The following AHR variants were observed in gnomAD, a reference collection of about 807,000 sequenced individuals.
AHR encodes the protein aryl hydrocarbon receptor, also known as AH-receptor.
In AHR, 40 loss-of-function variants were observed where a neutral mutation model predicts 86.8. That is an observed-to-expected ratio of 0.46 (90% CI 0.36 to 0.60). AHR has a LOEUF of 0.60. Among genes scored for constraint, AHR ranks in the 20% least tolerant of loss-of-function variants. The probability of loss-of-function intolerance (pLI) is 0.00; values close to 1 mark genes in which losing one functional copy is unlikely to be tolerated. For synonymous variants in AHR, 398 were observed against 354.9 expected, an observed-to-expected ratio of 1.12 and a Z score of -1.37; for missense variants, 1,001 against 1,011.6, an observed-to-expected ratio of 0.99 and a Z score of 0.14.
chr7:17,299,194 C>T lies in AHR; in HGVS notation c.-71C>T, dbSNP rs1343347542. The T allele has an allele frequency of 4.5e-6, 7 of 1,544,808 alleles. No individual in the cohort carries two copies. In the Admixed American group the frequency reaches 1.3e-4, roughly 29 times the overall value. ...CCGGCGCCGGCCGCCGCAGTGGTCC[C>T]AGCCTACACCGGGTTCCGGGGACCC... is the stretch of plus-strand genomic sequence containing the variant. On this transcript the variant is annotated 5_prime_UTR_variant, in exon 1 of 11. Transcript: ENST00000242057.
intron 6 of AHR, 128 bp downstream of exon 6, chr7:17,331,014 G>T: frequency 1.1e-6 from 1 of 916,568 alleles, no homozygotes; most frequent in East Asian, 2.7e-5. Flanking sequence ...CAGAACCAGA[G>T]AGCTTCAGAG....
chr7:17,321,155 A>T (rs571324605), intron 2 of AHR, among the ~76,000 whole-genome samples: 4 of 152,206 alleles, frequency 2.6e-5, no homozygotes, highest in Middle Eastern at 3.4e-3. Flanking sequence ...GGTTTCTCTT[A>T]TTCAAATATC....
chr7:17,299,446 G>A, intron 1 of AHR, 117 bp downstream of exon 1: 1 of 1,182,088 alleles, frequency 8.5e-7, no homozygotes, highest in Non-Finnish European at 1.2e-6. Context: ...TCCATTCCCG[G>A]CACTGCCCGT....
At chr7:17,312,865 A>G (rs1782080316) in intron 2 of AHR, among the ~76,000 whole-genome samples, 1 of 152,226 alleles carries the variant, frequency 6.6e-6, no homozygotes, top group African/African-American at 2.4e-5. Flanking sequence ...GCTGATAACA[A>G]GGAAGTTCTG....
intron 2 of AHR, among the ~76,000 whole-genome samples, chr7:17,315,848 C>T (rs986242190): frequency 3.3e-5 from 5 of 151,794 alleles, no homozygotes; most frequent in South Asian, 2.1e-4. Context: ...TTTGACTTTT[C>T]AATCAATGAA....
rs1782441605 is a variant in AHR at position 17,342,922 on chromosome 7, T to A, written c.2405T>A (p.Phe802Tyr). ...LPGQQAFLNK[F>Y]QNGVLNETYP... ...TTGCATCACCATTTTTGTTTTCAGTTTCAGAATGGAGTTTTAAATGAAACA... is the reference window on the plus strand; with the variant it reads ...TTGCATCACCATTTTTGTTTTCAGTATCAGAATGGAGTTTTAAATGAAACA... Residue 802 changes from phenylalanine (F) to tyrosine (Y), a missense_variant and splice_region_variant, in exon 11 of 11, where the codon TTT becomes TAT. Transcript: ENST00000242057. The A allele has an allele frequency of 1.2e-6, 2 of 1,611,532 alleles. No homozygotes were observed. Among genetic ancestry groups the A allele is most frequent in the Non-Finnish European group, 1.7e-6 (2 of 1,178,816 alleles).
At chr7:17,318,577 T>C (rs890135934) in intron 2 of AHR, among the ~76,000 whole-genome samples, 4 of 152,138 alleles carry the variant, frequency 2.6e-5, no homozygotes, top group African/African-American at 9.7e-5. Context: ...GTGGTACATA[T>C]CCTCACTGAT....
At chr7:17,336,807 CT>C (rs1782358745) in intron 9 of AHR, among the ~76,000 whole-genome samples, 1 of 151,970 alleles carries the variant, frequency 6.6e-6, no homozygotes, top group South Asian at 2.1e-4. Flanking sequence ...CTAGAAGGCA[CT>C]TTTTTTAATT....
chr7:17,330,206 ATAGGCCACAGC>A, intron 5 of AHR, 131 bp downstream of exon 5: 1 of 873,804 alleles, frequency 1.1e-6, no homozygotes, highest in Non-Finnish European at 1.7e-6. Context: ...GTCTGCAATC[ATAGGCCACAGC>A]TAGGTCACAA....
rs1421972390 is a variant in AHR, at chr7:17,340,205, G to A, written c.2380G>A (p.Gly794Ser). ...GATGCAGTACAATCCAGTACTGCCA[G>A]GCCAACAGGCATTTTTAAACAAGGT... ...GQMQYNPVLP[G>S]QQAFLNKFQN... The change falls in exon 10 of 11, where the codon GGC becomes AGC. Residue 794 changes from glycine (G) to serine (S), a missense_variant. This residue lies in a region of AHR where 607 missense variants were observed against 543.1 expected (regional missense o/e 1.12). Coordinates refer to ENST00000242057, the MANE Select transcript of AHR (RefSeq NM_001621.5). The A allele has an allele frequency of 6.2e-7, 1 of 1,608,026 alleles. No homozygotes were observed. The highest frequency in any genetic ancestry group is 8.5e-7 in the Non-Finnish European group (1 of 1,176,502).
At chr7:17,323,372 C>T (rs925217578) in intron 3 of AHR, among the ~76,000 whole-genome samples, 2 of 152,102 alleles carry the variant, frequency 1.3e-5, no homozygotes, top group Non-Finnish European at 2.9e-5. Context: ...TATTAACATA[C>T]TAAAGATTTT....
At chr7:17,338,126 G>A (rs1212145695) in intron 9 of AHR, among the ~76,000 whole-genome samples, 3 of 150,168 alleles carry the variant, frequency 2.0e-5, no homozygotes, top group Non-Finnish European at 4.4e-5. Context: ...GTGAACCCGG[G>A]AGGCGGAGCT....
At chr7:17,299,396 C>T in intron 1 of AHR, 67 bp downstream of exon 1, 1 of 1,526,238 alleles carries the variant, frequency 6.6e-7, no homozygotes, top group Non-Finnish European at 8.9e-7. Flanking sequence ...CGGGAGGCAG[C>T]CCCACCCCGC....
At chr7:17,300,203 T>G (rs933809108) in intron 1 of AHR, among the ~76,000 whole-genome samples, 9 of 152,208 alleles carry the variant, frequency 5.9e-5, no homozygotes, top group African/African-American at 1.2e-4. Context: ...GGCCAATTTT[T>G]TGTGTGTGTC....
chr7:17,331,000 C>T (rs1356887791), intron 6 of AHR, 114 bp downstream of exon 6: 1 of 1,146,586 alleles, frequency 8.7e-7, no homozygotes, highest in East Asian at 2.5e-5. Flanking sequence ...AATCAGGCAA[C>T]CCTCAGAACC....
chr7:17,325,292 TA>T (rs1378965050), intron 3 of AHR, among the ~76,000 whole-genome samples: 2 of 152,224 alleles, frequency 1.3e-5, no homozygotes, highest in Non-Finnish European at 2.9e-5. Context: ...AGAGATTTGA[TA>T]ACTGTACTTA....
At position 17,330,451 on chromosome 7, in the gene AHR, T is replaced by C. The variant is rs540927680; in HGVS notation, c.575-305T>C. Among the ~76,000 whole-genome samples the C allele has an allele frequency of 3.3e-5, 5 of 152,018 alleles. No homozygotes were observed. The East Asian group carries it at 9.7e-4, about 29-fold the overall frequency. On this transcript the variant is annotated intron_variant, in intron 5 of 10. Transcript: ENST00000242057. The stretch of plus-strand genomic sequence containing the variant: ...TAGCATATGCAAGTATAAAAATGCT[T>C]TTCTCAATGCAAAAAATGTTTTTGG...
intron 10 of AHR, 53 bp downstream of exon 10, chr7:17,340,281 T>C (rs1329217002): frequency 6.6e-7 from 1 of 1,519,602 alleles, no homozygotes; most frequent in African/African-American, 1.4e-5. Flanking sequence ...TTTTACCTTA[T>C]AGACATGTTA....
intron 3 of AHR, among the ~76,000 whole-genome samples, chr7:17,325,086 T>C (rs1782214505): frequency 6.6e-6 from 1 of 152,160 alleles, no homozygotes; most frequent in African/African-American, 2.4e-5. Flanking sequence ...ATAGGTTGAG[T>C]GAATCTTTGT....
Sources: gnomAD v4.1 joint callset for allele counts (sites outside exome capture counted in the v4.1 genomes callset) on GRCh38, gnomAD v4.1.1 for gene constraint, gnomAD v4.1.1 regional missense constraint, MANE v1.5 for transcripts, NCBI Gene and HGNC (gene_info 2026-07-23, HGNC 2026-07-21) for gene names.